The following ABCA5 variants were observed in gnomAD, a reference collection of about 807,000 sequenced individuals.
The protein encoded by ABCA5 is ATP binding cassette subfamily A member 5.
Under a neutral mutation model 206.0 loss-of-function variants are expected in ABCA5, and 163 were observed. The ratio of observed to expected loss-of-function variants is 0.79; its 90% CI spans 0.70 to 0.90. ABCA5 has a LOEUF of 0.90. Ranked by LOEUF, ABCA5 falls within the 40% of genes least tolerant of loss-of-function variation. The pLI is 0.00. For missense variants in ABCA5, 1,859 were observed against 1,912.9 expected, an observed-to-expected ratio of 0.97 and a Z score of 0.53; for synonymous variants, 609 against 613.8, an observed-to-expected ratio of 0.99 and a Z score of 0.11.
chr17:69,266,761 AGT>A (rs2075213646), intron 23 of ABCA5, among the ~76,000 whole-genome samples: 1 of 149,596 alleles, frequency 6.7e-6, no homozygotes, highest in African/African-American at 2.4e-5. Context: ...TACTACAATG[AGT>A]ATATTTAACA....
chr17:69,271,703 T>C (rs1348890853), intron 20 of ABCA5, among the ~76,000 whole-genome samples: 1 of 151,786 alleles, frequency 6.6e-6, no homozygotes, highest in Non-Finnish European at 1.5e-5. Context: ...CATTGAAAAG[T>C]TAACCTATAA....
At chr17:69,261,903 T>A (rs894756071) in intron 24 of ABCA5, among the ~76,000 whole-genome samples, 155 bp from the exon 25 acceptor site, 5 of 152,124 alleles carry the variant, frequency 3.3e-5, no homozygotes, top group Admixed American at 2.0e-4. Flanking sequence ...CCAAGTAAAA[T>A]ACTATCTCTC....
At chr17:69,316,490 GAA>G (rs34758893) in intron 1 of ABCA5, among the ~76,000 whole-genome samples, 2 of 103,536 alleles carry the variant, frequency 1.9e-5, no homozygotes, top group East Asian at 2.2e-4. Flanking sequence ...CTGTCTCAAA[GAA>G]AAAAAAAAAG....
At chr17:69,261,832 AAATT>A (rs1220228021) in intron 24 of ABCA5, 84 bp from the exon 25 acceptor site, 5 of 505,806 alleles carry the variant, frequency 9.9e-6, no homozygotes, top group African/African-American at 6.1e-5. Flanking sequence ...TTAAAATATG[AAATT>A]ATTAATATAA....
chr17:69,275,471 A>G (rs902404882), intron 19 of ABCA5, among the ~76,000 whole-genome samples: 46 of 152,178 alleles, frequency 3.0e-4, no homozygotes, highest in Admixed American at 3.0e-3. Context: ...TTAAATTGTT[A>G]TATCTAAGAT....
At chr17:69,256,337 G>T in intron 28 of ABCA5, 54 bp from the exon 29 acceptor site, 1 of 1,223,852 alleles carries the variant, frequency 8.2e-7, no homozygotes, top group Non-Finnish European at 1.1e-6. Flanking sequence ...AATTAAAATA[G>T]TAAGAAATTC....
At chr17:69,296,874 A>G (rs569114506) in intron 10 of ABCA5, among the ~76,000 whole-genome samples, 34 of 152,316 alleles carry the variant, frequency 2.2e-4, no homozygotes, top group Admixed American at 1.3e-3. Context: ...TTGAGGCACA[A>G]GAATTGTTTG....
intron 6 of ABCA5, among the ~76,000 whole-genome samples, chr17:69,305,685 C>T (rs2075708646): frequency 6.6e-6 from 1 of 152,120 alleles, no homozygotes; most frequent in African/African-American, 2.4e-5. Context: ...GCCTGCACAA[C>T]ATGGCGAGAC....
chr17:69,295,741 T>G (rs566475382), intron 10 of ABCA5, among the ~76,000 whole-genome samples: 5 of 152,320 alleles, frequency 3.3e-5, no homozygotes, highest in East Asian at 3.9e-4. Flanking sequence ...TAAAATAGAC[T>G]AATATCTATA....
intron 28 of ABCA5, among the ~76,000 whole-genome samples, chr17:69,258,423 C>T (rs1409632231): frequency 6.6e-6 from 1 of 152,044 alleles, no homozygotes; most frequent in Non-Finnish European, 1.5e-5. Context: ...TTGGAACAGA[C>T]AATCAAATAC....
intron 34 of ABCA5, 93 bp from the exon 35 acceptor site, chr17:69,251,959 T>C: frequency 1.4e-6 from 2 of 1,416,320 alleles, no homozygotes. Flanking sequence ...GTTAATTAAG[T>C]TAATTAAAAC....
At position 69,287,707 on chromosome 17, in the gene ABCA5, A is replaced by C; in HGVS notation, c.1947T>G (p.Ser649=). The change falls in exon 15 of 39, where the codon TCT becomes TCG. Residue 649 remains serine, a synonymous_variant. Transcript: ENST00000392676. The part of the protein sequence containing the change: ...DEPTAGMDPC[S]RHIVWNLLKY... ...TTAAAAGATTCCATACAATATGTCG[A>C]GAACAGGGGTCCATTCCAGCTGTTG... is the stretch of plus-strand genomic sequence containing the variant. 6.2e-7 allele frequency: 1 copy of C among 1,613,926 alleles called. No homozygotes were observed. The highest frequency in any genetic ancestry group is 1.3e-5 in the African/African-American group (1 of 75,052).
In ABCA5 at chr17:69,274,394, A is replaced by AT. The variant is rs1474881835; in HGVS notation, c.2595-267dup. ...CCACCATACACAACTAATTTTTGTT[A>AT]TTTTTTATAGAGATGGGGTTTCGCC... On this transcript the variant is annotated intron_variant, in intron 19 of 38. Transcript: ENST00000392676. 3.9e-5 allele frequency among the ~76,000 whole-genome samples: 6 copies of AT among 152,078 alleles called. No individual in the cohort carries two copies. The East Asian group carries it at 5.8e-4, about 15-fold the overall frequency.
chr17:69,253,674 G>A lies in ABCA5; in HGVS notation c.4321-7C>T. ...TACTTAGAGCAAAACACAACTACATGGAAAGAAAAAGATGGGTGGGAAATT... is the reference window on the plus strand; with the variant it reads ...TACTTAGAGCAAAACACAACTACATAGAAAGAAAAAGATGGGTGGGAAATT... On this transcript the variant is annotated splice_region_variant and splice_polypyrimidine_tract_variant and intron_variant, in intron 33 of 38. Coordinates refer to ENST00000392676, the MANE Select transcript of ABCA5 (RefSeq NM_172232.4). 6.2e-7 allele frequency: 1 copy of A among 1,611,074 alleles called. No homozygotes were observed. The highest frequency in any genetic ancestry group is 8.5e-7 in the Non-Finnish European group (1 of 1,177,654).
chr17:69,312,436 G>A (rs942910473), intron 3 of ABCA5, among the ~76,000 whole-genome samples: 16 of 152,082 alleles, frequency 1.1e-4, no homozygotes, highest in Admixed American at 9.8e-4. Context: ...ACAGAGTTAG[G>A]GACTTAGCCA....
At position 69,303,759 on chromosome 17, in the gene ABCA5, TAAAAA is replaced by T. The variant is rs1176172773; in HGVS notation, c.931-858_931-854del. ...TGGACACTTAGGAAGACCTCGACTC[TAAAAA>T]AAAAAAAAAAAAAAAAAAAAAATAT... On this transcript the variant is annotated intron_variant, in intron 7 of 38. Transcript: ENST00000392676. Among the ~76,000 whole-genome samples the T allele has an allele frequency of 5.3e-3, 13 of 2,454 alleles. 1 individual carries two copies. Among genetic ancestry groups the T allele is most frequent in the Non-Finnish European group, 0.015 (11 of 712 alleles). The allele number at this position is 2,454 out of a possible 152,430, so 1.6% of individuals were successfully genotyped here. A position where few individuals can be genotyped will look rare whatever the true frequency, so the allele number is the denominator to read the frequency against.
Position 69,304,768 on chromosome 17 carries a change from C to T in ABCA5, c.831G>A (p.Met277Ile). Reference sequence around the variant, plus strand: ...TCGCAATGACTGCCATAAGAAGGGACATAAGAAAAATTAAACTTGTATATA... The same window carrying T: ...TCGCAATGACTGCCATAAGAAGGGATATAAGAAAAATTAAACTTGTATATA... ...VLLYTSLIFL[M>I]SLLMAVIATA... is the part of the protein sequence containing the mutation. Residue 277 changes from methionine to isoleucine, a missense_variant, in exon 7 of 39, where the codon ATG becomes ATA. Transcript: ENST00000392676. 1 of 1,606,954 alleles carries T rather than the reference C, an allele frequency of 6.2e-7. No individual in the cohort carries two copies.
At chr17:69,295,257 T>A (rs1333058854) in intron 10 of ABCA5, among the ~76,000 whole-genome samples, 1 of 152,168 alleles carries the variant, frequency 6.6e-6, no homozygotes, top group African/African-American at 2.4e-5. Context: ...ATACAAGCAA[T>A]TCAACTTTTT....
intron 5 of ABCA5, among the ~76,000 whole-genome samples, chr17:69,307,753 A>G (rs1047520775): frequency 1.3e-4 from 20 of 152,294 alleles, no homozygotes; most frequent in African/African-American, 4.3e-4. Context: ...ATTTTACTAC[A>G]TAGCAGTGTA....
Sources: gnomAD v4.1 joint callset for allele counts (sites outside exome capture counted in the v4.1 genomes callset) on GRCh38, gnomAD v4.1.1 for gene constraint, MANE v1.5 for transcripts, NCBI Gene and HGNC (gene_info 2026-07-23, HGNC 2026-07-21) for gene names.